The following SLC66A2 variants were observed in gnomAD, a reference collection of about 807,000 sequenced individuals.
SLC66A2 encodes the protein solute carrier family 66 member 2, also known as PQ loop repeat containing 1.
SLC66A2 carries 23 observed loss-of-function variants against 25.5 expected under a neutral mutation model. The observed-to-expected ratio is 0.90, with a 90% CI of 0.65 to 1.28. SLC66A2 has a LOEUF of 1.28. Ranked by LOEUF, SLC66A2 falls within the 50% of genes most tolerant of loss-of-function variation. The pLI is 0.00. For missense variants in SLC66A2, 396 were observed against 373.1 expected, an observed-to-expected ratio of 1.06 and a Z score of -0.51; for synonymous variants, 193 against 166.5, an observed-to-expected ratio of 1.16 and a Z score of -1.23.
At chr18:79,936,157 CCT>C (rs1243505746) in intron 3 of SLC66A2, among the ~76,000 whole-genome samples, 3 of 152,168 alleles carry the variant, frequency 2.0e-5, no homozygotes, top group African/African-American at 7.2e-5. Context: ...TGCACTGTAC[CCT>C]GTCGGTACGG....
rs1476590885 is a variant in SLC66A2 at position 79,950,984 on chromosome 18, G to A, written c.-58C>T. 3 of 1,343,102 alleles carry A rather than the reference G, an allele frequency of 2.2e-6. No individual in the cohort carries two copies. Among genetic ancestry groups the A allele is most frequent in the East Asian group, 2.9e-5 (1 of 34,626 alleles). 83.2% of individuals were successfully genotyped at this position (1,343,102 alleles called of 1,614,324 possible). Reference sequence around the variant, plus strand: ...CTCCGCGCCCCGCGGGCCACCGGCCGCCTGCTCATCGCCGCTCCGCGCGCT... The same window carrying A: ...CTCCGCGCCCCGCGGGCCACCGGCCACCTGCTCATCGCCGCTCCGCGCGCT... On this transcript the variant is annotated 5_prime_UTR_variant, in exon 2 of 6. Transcript: ENST00000397778.
Position 79,918,142 on chromosome 18 carries a change from A to G in SLC66A2, c.608+1042T>C, listed in dbSNP as rs1169804468. Among the ~76,000 whole-genome samples, 2 of 151,430 alleles carry G rather than the reference A, an allele frequency of 1.3e-5. No individual in the cohort carries two copies. Among genetic ancestry groups the G allele is most frequent in the African/African-American group, 4.9e-5 (2 of 41,156 alleles). On this transcript the variant is annotated intron_variant, in intron 5 of 5. Coordinates refer to ENST00000397778, the MANE Select transcript of SLC66A2 (RefSeq NM_025078.5). The surrounding 1 kb of genome is among the most constrained non-coding windows in gnomAD (Gnocchi z 4.0). Reference sequence around the variant, plus strand: ...CCTACACACAACCCCCGGCCCTCACACCTCTGCCCACACGCCAAACCTGCA... The same window carrying G: ...CCTACACACAACCCCCGGCCCTCACGCCTCTGCCCACACGCCAAACCTGCA...
At chr18:79,947,974 T>G (rs2050990464) in intron 2 of SLC66A2, among the ~76,000 whole-genome samples, 1 of 151,694 alleles carries the variant, frequency 6.6e-6, no homozygotes, top group South Asian at 2.1e-4. Context: ...GGATGGCGCA[T>G]CCTCAGGCTG....
Position 79,902,601 on chromosome 18 carries a change from C to G in SLC66A2, c.*1375G>C, listed in dbSNP as rs1356386597. 6.6e-6 allele frequency: 1 copy of G among 152,438 alleles called. No homozygotes were observed. The highest frequency in any genetic ancestry group is 6.5e-5 in the Admixed American group (1 of 15,292). The allele number at this position is 152,438 out of a possible 1,614,324, so 9.4% of individuals were successfully genotyped here. ...AGGCCAAAGAGCTAAGCAGGACCCT[C>G]ACTCAGACATTCAAGAGTGTTTCCG... On this transcript the variant is annotated 3_prime_UTR_variant, in exon 6 of 6. Coordinates refer to ENST00000397778, the MANE Select transcript of SLC66A2 (RefSeq NM_025078.5).
chr18:79,948,145 A>C (rs1329323411), intron 2 of SLC66A2, among the ~76,000 whole-genome samples: 1 of 152,186 alleles, frequency 6.6e-6, no homozygotes, highest in African/African-American at 2.4e-5. Context: ...CCCATGGACA[A>C]AGTTCAGAAT....
In SLC66A2 at chr18:79,937,553, A is replaced by G. The variant is rs1467268639; in HGVS notation, c.338-3531T>C. Among the ~76,000 whole-genome samples, 1 of 152,090 alleles carries G rather than the reference A, an allele frequency of 6.6e-6. No homozygotes were observed. Among genetic ancestry groups the G allele is most frequent in the African/African-American group, 2.4e-5 (1 of 41,392 alleles). ...ATAGCTGAACAATGGGTACCCGCCCATTTCTCTGCAGAGGGGCTCCAGCTA... is the reference window on the plus strand; with the variant it reads ...ATAGCTGAACAATGGGTACCCGCCCGTTTCTCTGCAGAGGGGCTCCAGCTA... On this transcript the variant is annotated intron_variant, in intron 3 of 5. Transcript: ENST00000397778. This position sits in a 1 kb window ranked among gnomAD's most constrained non-coding sequence, Gnocchi z 5.4.
chr18:79,927,800 C>A lies in SLC66A2; in HGVS notation c.391+6169G>T, dbSNP rs1266263722. ...TCCCACTCGGCAAGGACAAATCAAGCAACTGCCGAGACAGGTGTCCGCGTC... is the reference window on the plus strand; with the variant it reads ...TCCCACTCGGCAAGGACAAATCAAGAAACTGCCGAGACAGGTGTCCGCGTC... On this transcript the variant is annotated intron_variant, in intron 4 of 5. Transcript: ENST00000397778. The surrounding 1 kb of genome is among the most constrained non-coding windows in gnomAD (Gnocchi z 6.2). Among the ~76,000 whole-genome samples, 2 of 152,314 alleles carry A rather than the reference C, an allele frequency of 1.3e-5. No homozygotes were observed. The highest frequency in any genetic ancestry group is 3.9e-4 in the East Asian group (2 of 5,164).
chr18:79,915,040 C>G (rs1599522433), intron 5 of SLC66A2, among the ~76,000 whole-genome samples: 2 of 152,358 alleles, frequency 1.3e-5, no homozygotes, highest in African/African-American at 4.8e-5. Context: ...GTCCTGTTCC[C>G]TTTCCCGTTT....
rs964427671 is a variant in SLC66A2, at chr18:79,940,436, G to A, written c.337+2893C>T. Among the ~76,000 whole-genome samples the A allele has an allele frequency of 2.6e-5, 4 of 151,906 alleles. No homozygotes were observed. The highest frequency in any genetic ancestry group is 1.9e-4 in the East Asian group (1 of 5,198). ...GAAATAATCTGTACACTAAACCCCC[G>A]TGACAAACAATTTACCTATATAACA... On this transcript the variant is annotated intron_variant, in intron 3 of 5. Coordinates refer to ENST00000397778, the MANE Select transcript of SLC66A2 (RefSeq NM_025078.5). This position sits in a 1 kb window ranked among gnomAD's most constrained non-coding sequence, Gnocchi z 4.1.
chr18:79,925,140 TAAGAG>T (rs1985784054), intron 4 of SLC66A2: 1 of 152,042 alleles, frequency 6.6e-6, no homozygotes. Flanking sequence ...AATCAGCAAA[TAAGAG>T]AGAGGCGCCT....
In SLC66A2 at chr18:79,941,888, A is replaced by G. The variant is rs1157090179; in HGVS notation, c.337+1441T>C. 5 of 151,888 alleles carry G rather than the reference A, an allele frequency of 3.3e-5. No homozygotes were observed. In the East Asian group the frequency reaches 9.6e-4, roughly 29 times the overall value. The allele number at this position is 151,888 out of a possible 1,614,324, so 9.4% of individuals were successfully genotyped here. A position where few individuals can be genotyped will look rare whatever the true frequency, so the allele number is the denominator to read the frequency against. The stretch of plus-strand genomic sequence containing the variant: ...GGGCATCTTAGGCACAAATGTCCAG[A>G]GCCCGAGGACAGCAGAAACTCCCAG... On this transcript the variant is annotated intron_variant, in intron 3 of 5. Coordinates refer to ENST00000397778, the MANE Select transcript of SLC66A2 (RefSeq NM_025078.5). This position sits in a 1 kb window ranked among gnomAD's most constrained non-coding sequence, Gnocchi z 4.1.
At chr18:79,916,932 G>A (rs888152044) in intron 5 of SLC66A2, among the ~76,000 whole-genome samples, 9 of 152,268 alleles carry the variant, frequency 5.9e-5, no homozygotes, top group Non-Finnish European at 1.3e-4. Context: ...AAGTGTGGGT[G>A]GCATCTGGCG....
In SLC66A2 at chr18:79,919,174, C is replaced by T; in HGVS notation, c.608+10G>A. 1 of 1,611,836 alleles carries T rather than the reference C, an allele frequency of 6.2e-7. No homozygotes were observed. Among genetic ancestry groups the T allele is most frequent in the Non-Finnish European group, 8.5e-7 (1 of 1,179,108 alleles). On this transcript the variant is annotated intron_variant, in intron 5 of 5. Coordinates refer to ENST00000397778, the MANE Select transcript of SLC66A2 (RefSeq NM_025078.5). Reference sequence around the variant, plus strand: ...GCAGTGGTGCTTCCGTGGCGGCATCCCCGGCCTACCTCATGCCCTCCGTGG... The same window carrying T: ...GCAGTGGTGCTTCCGTGGCGGCATCTCCGGCCTACCTCATGCCCTCCGTGG...
At chr18:79,905,549 G>A (rs919393403) in intron 5 of SLC66A2, among the ~76,000 whole-genome samples, 2 of 152,398 alleles carry the variant, frequency 1.3e-5, no homozygotes, top group South Asian at 2.1e-4. Context: ...GTGCAAAGGC[G>A]CCTGCCTTTC....
At chr18:79,947,950 T>A (rs1006763154) in intron 2 of SLC66A2, among the ~76,000 whole-genome samples, 1 of 152,008 alleles carries the variant, frequency 6.6e-6, no homozygotes, top group Non-Finnish European at 1.5e-5. Context: ...TGGGCTTCGC[T>A]GTGTGGAGTG....
At chr18:79,923,230 T>C (rs998000800) in intron 4 of SLC66A2, among the ~76,000 whole-genome samples, 1 of 50,674 alleles carries the variant, frequency 2.0e-5, no homozygotes, top group Non-Finnish European at 3.6e-5. Context: ...AGGGGGTGGA[T>C]GGGGGGGGGC....
intron 4 of SLC66A2, among the ~76,000 whole-genome samples, chr18:79,933,074 G>A (rs943342083): frequency 9.2e-5 from 14 of 152,058 alleles, no homozygotes; most frequent in Non-Finnish European, 1.8e-4. Context: ...ATAAAATCCA[G>A]CAACAGATAA....
chr18:79,906,596 T>C (rs975677449), intron 5 of SLC66A2, among the ~76,000 whole-genome samples: 1 of 152,250 alleles, frequency 6.6e-6, no homozygotes, highest in African/African-American at 2.4e-5. Flanking sequence ...CTTTGCACAA[T>C]TTCAGTTCTT....
chr18:79,945,999 C>T (rs139210948), intron 2 of SLC66A2, among the ~76,000 whole-genome samples: 1 of 152,252 alleles, frequency 6.6e-6, no homozygotes, highest in Non-Finnish European at 1.5e-5. Flanking sequence ...AATGAGGCTG[C>T]ACGTGAGCCA....
Sources: allele counts gnomAD v4.1 joint callset (sites outside exome capture counted in the v4.1 genomes callset), GRCh38; gene constraint gnomAD v4.1.1; non-coding constraint Gnocchi (gnomAD v3.1); transcripts MANE v1.5; gene names NCBI Gene and HGNC (gene_info 2026-07-23, HGNC 2026-07-21).